The following FAT3 variants were observed in gnomAD, a reference collection of about 807,000 sequenced individuals.
FAT3 encodes protocadherin Fat 3.
A neutral mutation model predicts 310.2 loss-of-function variants in FAT3; 95 were observed. That is an observed-to-expected ratio of 0.31 (90% CI 0.26 to 0.36). The LOEUF (loss-of-function observed/expected upper bound fraction) is 0.36, where lower values mean the gene tolerates loss of function less well. Among genes scored for constraint, FAT3 ranks in the 10% least tolerant of loss-of-function variants. The pLI is 1.00. For synonymous variants in FAT3, 2,314 were observed against 2,192.9 expected, an observed-to-expected ratio of 1.06 and a Z score of -1.54; for missense variants, 5,408 against 5,715.6, an observed-to-expected ratio of 0.95 and a Z score of 1.74.
At chr11:92,250,415 G>A (rs1301759072) in intron 1 of FAT3, among the ~76,000 whole-genome samples, 4 of 151,906 alleles carry the variant, frequency 2.6e-5, no homozygotes, top group Admixed American at 6.6e-5. Flanking sequence ...TATTTTTTAT[G>A]GAAAGGCCTA....
intron 3 of FAT3, among the ~76,000 whole-genome samples, chr11:92,544,635 A>G (rs1342353308): frequency 6.6e-6 from 1 of 152,196 alleles, no homozygotes; most frequent in African/African-American, 2.4e-5. Flanking sequence ...CTATAAAAGC[A>G]GGACTTTTAA....
At chr11:92,841,904 C>G (rs1287513708) in intron 18 of FAT3, among the ~76,000 whole-genome samples, 1 of 152,192 alleles carries the variant, frequency 6.6e-6, no homozygotes, top group Non-Finnish European at 1.5e-5. Flanking sequence ...CAGCTTCATT[C>G]TCTTCTGACC....
chr11:92,832,031 C>T lies in FAT3; in HGVS notation c.9871+20C>T. ...AGACAGGTGGGTAAATAGCACTGTA[C>T]TTAGAATACAGAGCTTCAGCTTGGC... is the stretch of plus-strand genomic sequence containing the variant. On this transcript the variant is annotated intron_variant, in intron 14 of 27. Coordinates refer to ENST00000525166, the MANE Select transcript of FAT3 (RefSeq NM_001367949.2). 1 of 1,516,466 alleles carries T rather than the reference C, an allele frequency of 6.6e-7. No homozygotes were observed. Among genetic ancestry groups the T allele is most frequent in the Non-Finnish European group, 8.8e-7 (1 of 1,132,318 alleles). The allele number at this position is 1,516,466 out of a possible 1,614,324, so 93.9% of individuals were successfully genotyped here. A position where few individuals can be genotyped will look rare whatever the true frequency, so the allele number is the denominator to read the frequency against.
chr11:92,624,743 A>T (rs1334693978), intron 3 of FAT3, among the ~76,000 whole-genome samples: 2 of 152,174 alleles, frequency 1.3e-5, no homozygotes, highest in Non-Finnish European at 2.9e-5. Flanking sequence ...TGGGGCTGCT[A>T]CAAAAAGCAC....
intron 3 of FAT3, among the ~76,000 whole-genome samples, chr11:92,572,537 C>A (rs1372983664): frequency 6.6e-6 from 1 of 152,144 alleles, no homozygotes; most frequent in Non-Finnish European, 1.5e-5. Context: ...GTCAATATTG[C>A]AACCTTAATG....
chr11:92,435,160 G>C (rs1294061991), intron 2 of FAT3, among the ~76,000 whole-genome samples: 3 of 152,186 alleles, frequency 2.0e-5, no homozygotes, highest in Admixed American at 2.0e-4. Context: ...CCCCTGTGCA[G>C]CCTGTGTTCC....
intron 2 of FAT3, among the ~76,000 whole-genome samples, chr11:92,424,305 C>T (rs1950587162): frequency 6.6e-6 from 1 of 152,010 alleles, no homozygotes; most frequent in Non-Finnish European, 1.5e-5. Flanking sequence ...TGAATTATAC[C>T]TGCTTATTTT....
intron 2 of FAT3, among the ~76,000 whole-genome samples, chr11:92,382,930 C>G (rs1429725293): frequency 6.6e-6 from 1 of 152,166 alleles, no homozygotes; most frequent in Non-Finnish European, 1.5e-5. Context: ...ACAGATCATT[C>G]CATGACCTAA....
intron 2 of FAT3, among the ~76,000 whole-genome samples, chr11:92,357,337 T>C (rs1291706354): frequency 6.6e-6 from 1 of 152,182 alleles, no homozygotes; most frequent in African/African-American, 2.4e-5. Context: ...CAAACTTAGC[T>C]TTGTGTAACT....
chr11:92,889,454 C>T (rs760142614), intron 26 of FAT3, among the ~76,000 whole-genome samples: 8 of 151,578 alleles, frequency 5.3e-5, no homozygotes, highest in Non-Finnish European at 1.2e-4. Context: ...AAGGTACCCT[C>T]TTTATAAAAT....
intron 2 of FAT3, among the ~76,000 whole-genome samples, chr11:92,520,795 G>T (rs1953657451): frequency 6.6e-6 from 1 of 151,986 alleles, no homozygotes; most frequent in African/African-American, 2.4e-5. Flanking sequence ...CAAATTTTTG[G>T]ATCATAAAAT....
chr11:92,790,940 C>A (rs1947025817), intron 8 of FAT3, among the ~76,000 whole-genome samples: 1 of 152,198 alleles, frequency 6.6e-6, no homozygotes, highest in Non-Finnish European at 1.5e-5. Flanking sequence ...AGAGCCCCCA[C>A]TGTGTTCCTT....
chr11:92,672,150 TAACGAATG>T (rs1943150504), intron 3 of FAT3, among the ~76,000 whole-genome samples: 1 of 152,068 alleles, frequency 6.6e-6, no homozygotes, highest in African/African-American at 2.4e-5. Context: ...ATTTTTTAAA[TAACGAATG>T]AATGTGATTT....
chr11:92,609,961 G>T (rs1211764834), intron 3 of FAT3, among the ~76,000 whole-genome samples: 2 of 152,140 alleles, frequency 1.3e-5, no homozygotes, highest in Non-Finnish European at 2.9e-5. Context: ...AATAATTCTA[G>T]AAATAAATTC....
intron 12 of FAT3, 25 bp from the exon 13 acceptor site, chr11:92,809,818 A>G (rs199505915): frequency 7.7e-5 from 122 of 1,586,872 alleles, no homozygotes; most frequent in East Asian, 4.0e-4. Context: ...ACTCAGACCA[A>G]TCATGCTGCC....
At chr11:92,702,431 G>A (rs909014018) in intron 4 of FAT3, among the ~76,000 whole-genome samples, 7 of 152,288 alleles carry the variant, frequency 4.6e-5, no homozygotes, top group Admixed American at 3.3e-4. Context: ...CTGCATGAGC[G>A]TTGCCACGTT....
At chr11:92,431,818 G>A (rs1467349990) in intron 2 of FAT3, among the ~76,000 whole-genome samples, 2 of 152,164 alleles carry the variant, frequency 1.3e-5, no homozygotes, top group African/African-American at 2.4e-5. Context: ...TAGATATGCG[G>A]AATTATTTCT....
chr11:92,293,532 AT>A (rs1468839311), intron 1 of FAT3, among the ~76,000 whole-genome samples: 1 of 74,494 alleles, frequency 1.3e-5, no homozygotes, highest in Admixed American at 1.5e-4. Context: ...ATATATATAT[AT>A]ATATATATAT....
At chr11:92,608,377 T>A (rs567489) in intron 3 of FAT3, among the ~76,000 whole-genome samples, 85,329 of 151,992 alleles carry the variant, frequency 0.56, 25,383 homozygotes, top group African/African-American at 0.76. Flanking sequence ...TTATGGAATG[T>A]TATGCTGTTA....
Sources: allele counts gnomAD v4.1 joint callset (sites outside exome capture counted in the v4.1 genomes callset), GRCh38; gene constraint gnomAD v4.1.1; transcripts MANE v1.5; gene names NCBI Gene and HGNC (gene_info 2026-07-23, HGNC 2026-07-21).